Variants in CACNA1C observed in about 807,000 individuals in gnomAD.
CACNA1C encodes the protein calcium voltage-gated channel subunit alpha1 C.
A neutral mutation model predicts 229.0 loss-of-function variants in CACNA1C; 30 were observed. The observed-to-expected ratio is 0.13, with a 90% CI of 0.10 to 0.18. CACNA1C has a LOEUF of 0.18. CACNA1C is among the 10% of genes least tolerant of loss of function. CACNA1C has a pLI of 1.00. For missense variants in CACNA1C, 1,658 were observed against 2,845.0 expected (o/e 0.58, Z 9.49); for synonymous variants, 1,114 against 1,132.5 (o/e 0.98, Z 0.33).
chr12:2,515,097 C>A (rs2099793606), intron 9 of CACNA1C, among the ~76,000 whole-genome samples: 1 of 152,210 alleles, frequency 6.6e-6, no homozygotes, highest in Non-Finnish European at 1.5e-5. Context: ...GGGTCTGTTT[C>A]TTGTCCTAAG....
In CACNA1C at chr12:2,422,138, CAA is replaced by C. The variant is rs146785239; in HGVS notation, c.478-26836_478-26835del. On this transcript the variant is annotated intron_variant, in intron 3 of 46. Coordinates refer to ENST00000399655, the MANE Select transcript of CACNA1C (RefSeq NM_000719.7). ...GCCCATTCAGTTTCCAAAAAGTAAA[CAA>C]AGTGATTCTTCCTCCATGAGATGCC... Among the ~76,000 whole-genome samples the C allele has an allele frequency of 9.1e-3, 1,384 of 152,170 alleles. 9 individuals are homozygous for C. The highest frequency in any genetic ancestry group is 0.048 in the Middle Eastern group (14 of 292).
In CACNA1C at chr12:2,215,692, T is replaced by C. The variant is rs571491970; in HGVS notation, c.477+95262T>C. ...GGCCTGGCAGAGGGAAGGACCATGT[T>C]CTCTCCCAAACAGGCCAGTCCTTGG... On this transcript the variant is annotated intron_variant, in intron 3 of 46. Coordinates refer to ENST00000399655, the MANE Select transcript of CACNA1C (RefSeq NM_000719.7). The surrounding 1 kb of genome is among the most constrained non-coding windows in gnomAD (Gnocchi z 5.0). Among the ~76,000 whole-genome samples, 55 of 152,284 alleles carry C rather than the reference T, an allele frequency of 3.6e-4. No individual in the cohort carries two copies. The highest frequency in any genetic ancestry group is 1.2e-3 in the African/African-American group (49 of 41,570).
intron 7 of CACNA1C, among the ~76,000 whole-genome samples, chr12:2,498,601 G>A (rs1363708873): frequency 6.6e-6 from 1 of 152,224 alleles, no homozygotes; most frequent in Non-Finnish European, 1.5e-5. Flanking sequence ...GCCTGCCCAG[G>A]CAGTTCAGGT....
chr12:2,627,445 A>G (rs899001032), intron 29 of CACNA1C, among the ~76,000 whole-genome samples: 2 of 152,120 alleles, frequency 1.3e-5, no homozygotes, highest in Admixed American at 6.5e-5. Flanking sequence ...CACCGCCGCC[A>G]GCTGCCAGTG....
chr12:2,582,789 T>A, intron 14 of CACNA1C, 33 bp from the exon 15 acceptor site: 2 of 1,612,520 alleles, frequency 1.2e-6, no homozygotes. Flanking sequence ...GGTCTAACGC[T>A]GTGTCCCTTA....
At chr12:2,396,222 A>G (rs1218688031) in intron 3 of CACNA1C, among the ~76,000 whole-genome samples, 4 of 152,116 alleles carry the variant, frequency 2.6e-5, no homozygotes, top group African/African-American at 9.7e-5. Flanking sequence ...TCTTTCAGTG[A>G]CACACATCTG....
intron 29 of CACNA1C, chr12:2,615,119 C>T (rs1450967945): frequency 6.6e-6 from 1 of 152,198 alleles, no homozygotes; most frequent in Non-Finnish European, 1.5e-5. Flanking sequence ...GAACAGTGAA[C>T]AGTGACCCAG....
intron 1 of CACNA1C, among the ~76,000 whole-genome samples, chr12:1,972,480 T>C (rs2032746724): frequency 6.6e-6 from 1 of 152,082 alleles, no homozygotes; most frequent in African/African-American, 2.4e-5. Flanking sequence ...GATCCCAAGA[T>C]ATTTAAAAAA....
At chr12:2,532,025 G>T (rs1274741770) in intron 9 of CACNA1C, among the ~76,000 whole-genome samples, 1 of 152,218 alleles carries the variant, frequency 6.6e-6, no homozygotes, top group Non-Finnish European at 1.5e-5. Flanking sequence ...ACAGTGGAAA[G>T]ACAGTGTCCT....
intron 1 of CACNA1C, among the ~76,000 whole-genome samples, chr12:2,101,442 C>T (rs552728896): frequency 1.6e-4 from 24 of 152,352 alleles, no homozygotes; most frequent in African/African-American, 5.3e-4. Context: ...GGGGCTCAAC[C>T]TCCCCCTCCC....
chr12:2,317,310 A>C (rs1039382141), intron 3 of CACNA1C, among the ~76,000 whole-genome samples: 1 of 152,262 alleles, frequency 6.6e-6, no homozygotes, highest in African/African-American at 2.4e-5. Flanking sequence ...ATGTGATTGC[A>C]AGCTTTAAAA....
intron 9 of CACNA1C, among the ~76,000 whole-genome samples, chr12:2,526,371 G>A (rs2154580989): frequency 6.6e-6 from 1 of 152,320 alleles, no homozygotes; most frequent in South Asian, 2.1e-4. Context: ...CCTCCCAGCT[G>A]ACAGTGCTCC....
At chr12:2,323,497 G>A (rs1275200672) in intron 3 of CACNA1C, among the ~76,000 whole-genome samples, 1 of 152,116 alleles carries the variant, frequency 6.6e-6, no homozygotes, top group Non-Finnish European at 1.5e-5. Flanking sequence ...TAGGATTAGA[G>A]TAGACCCACA....
chr12:2,663,930 C>T (rs1371624661), intron 34 of CACNA1C, among the ~76,000 whole-genome samples: 3 of 151,572 alleles, frequency 2.0e-5, no homozygotes, highest in African/African-American at 4.9e-5. Context: ...TTAGTAGAGA[C>T]GAGGCTTCAC....
At chr12:2,364,143 G>T (rs2097656606) in intron 3 of CACNA1C, among the ~76,000 whole-genome samples, 1 of 152,170 alleles carries the variant, frequency 6.6e-6, no homozygotes, top group African/African-American at 2.4e-5. Flanking sequence ...CTAAACGAGA[G>T]GTGAGGCCGG....
At chr12:2,349,662 G>A (rs965739520) in intron 3 of CACNA1C, among the ~76,000 whole-genome samples, 4 of 152,098 alleles carry the variant, frequency 2.6e-5, no homozygotes, top group Admixed American at 2.6e-4. Context: ...GAAGAGCTCT[G>A]CAGTGGTCCC....
chr12:2,356,642 G>A (rs1056939340), intron 3 of CACNA1C, among the ~76,000 whole-genome samples: 1 of 152,260 alleles, frequency 6.6e-6, no homozygotes, highest in Admixed American at 6.5e-5. Context: ...AGAGGCAGAT[G>A]ACCTCTGTGT....
intron 3 of CACNA1C, among the ~76,000 whole-genome samples, chr12:2,431,206 C>A (rs2099080962): frequency 6.6e-6 from 1 of 152,186 alleles, no homozygotes; most frequent in Non-Finnish European, 1.5e-5. Context: ...TCTGACCTAG[C>A]AGGTCTGGAG....
At chr12:2,303,665 G>T (rs2094763663) in intron 3 of CACNA1C, among the ~76,000 whole-genome samples, 1 of 152,192 alleles carries the variant, frequency 6.6e-6, no homozygotes, top group Non-Finnish European at 1.5e-5. Context: ...AGGTGCTAGG[G>T]GTGAGGGCTT....
Sources: gnomAD v4.1 joint callset for allele counts (sites outside exome capture counted in the v4.1 genomes callset) on GRCh38, gnomAD v4.1.1 for gene constraint, Gnocchi (gnomAD v3.1) non-coding constraint, MANE v1.5 for transcripts, NCBI Gene and HGNC (gene_info 2026-07-23, HGNC 2026-07-21) for gene names.